ADAMTS17: variants seen among roughly 807,000 people sequenced by gnomAD.
ADAMTS17 encodes the protein A disintegrin and metalloproteinase with thrombospondin motifs 17.
ADAMTS17 carries 113 observed loss-of-function variants against 141.5 expected under a neutral mutation model. That is an observed-to-expected ratio of 0.80 (90% confidence interval 0.69 to 0.93). The LOEUF is 0.93. ADAMTS17 is among the 40% of genes least tolerant of loss of function. The pLI is 0.00. For synonymous variants in ADAMTS17, 768 were observed against 630.6 expected, an observed-to-expected ratio of 1.22 and a Z score of -3.27; for missense variants, 1,659 against 1,517.9, an observed-to-expected ratio of 1.09 and a Z score of -1.54.
intron 15 of ADAMTS17, among the ~76,000 whole-genome samples, chr15:100,077,230 G>T (rs914564170): frequency 2.8e-5 from 4 of 143,454 alleles, no homozygotes; most frequent in Non-Finnish European, 4.5e-5. Context: ...GAACACTTGA[G>T]GCCAGGAGTT....
rs117287867 is a variant in ADAMTS17, at chr15:99,987,777, G to A, written c.2949+5271C>T. On this transcript the variant is annotated intron_variant, in intron 20 of 21. Coordinates refer to ENST00000268070, the MANE Select transcript of ADAMTS17 (RefSeq NM_139057.4). ...TCCAGAGAAGGCAGAGAGGGAAAAC[G>A]GGCAAGTTTCTCTATCTGGGGAGAG... Among the ~76,000 whole-genome samples the A allele has an allele frequency of 8.4e-3, 1,275 of 152,234 alleles. 3 individuals carry two copies. Among genetic ancestry groups the A allele is most frequent in the Non-Finnish European group, 0.013 (883 of 68,006 alleles).
chr15:100,063,688 T>C (rs1477190872), intron 15 of ADAMTS17: 1 of 1,289,952 alleles, frequency 7.8e-7, no homozygotes, highest in Admixed American at 2.3e-5. Flanking sequence ...CCCAGAAAGC[T>C]GTGGGCAGGT....
At chr15:100,084,836 C>T (rs1488419200) in intron 15 of ADAMTS17, among the ~76,000 whole-genome samples, 1 of 152,176 alleles carries the variant, frequency 6.6e-6, no homozygotes, top group Non-Finnish European at 1.5e-5. Context: ...ACCAAAAACC[C>T]ATCTGTACAT....
chr15:100,173,169 C>T (rs2040220708), intron 8 of ADAMTS17, among the ~76,000 whole-genome samples: 1 of 152,184 alleles, frequency 6.6e-6, no homozygotes, highest in Admixed American at 6.5e-5. Context: ...CTCCATTTTT[C>T]TAAGATAGTT....
chr15:100,312,025 G>T (rs553142415), intron 3 of ADAMTS17, among the ~76,000 whole-genome samples: 1 of 152,324 alleles, frequency 6.6e-6, no homozygotes, highest in African/African-American at 2.4e-5. Context: ...CTGCAGGAGG[G>T]ATGGTCGTCC....
intron 15 of ADAMTS17, among the ~76,000 whole-genome samples, chr15:100,062,918 G>A (rs929989614): frequency 2.0e-5 from 3 of 152,162 alleles, no homozygotes; most frequent in African/African-American, 7.2e-5. Context: ...AGGAGCAGAG[G>A]CACCCTCTGG....
chr15:100,195,220 C>T (rs1253692127), intron 8 of ADAMTS17, among the ~76,000 whole-genome samples: 1 of 152,226 alleles, frequency 6.6e-6, no homozygotes, highest in Non-Finnish European at 1.5e-5. Context: ...AGGGTGGCCC[C>T]TCTGCAGCTT....
intron 6 of ADAMTS17, among the ~76,000 whole-genome samples, chr15:100,260,478 G>A (rs927206824): frequency 4.6e-5 from 7 of 152,076 alleles, no homozygotes; most frequent in African/African-American, 1.7e-4. Flanking sequence ...GCCAGGTGTG[G>A]TGGCACACGC....
intron 3 of ADAMTS17, among the ~76,000 whole-genome samples, chr15:100,292,061 C>CTAT: frequency 6.9e-6 from 1 of 144,794 alleles, no homozygotes; most frequent in East Asian, 2.2e-4. Flanking sequence ...TGGGGAGTCA[C>CTAT]GAGAGACGCT....
chr15:99,984,890 C>G (rs1266789112), intron 20 of ADAMTS17, among the ~76,000 whole-genome samples: 2 of 152,252 alleles, frequency 1.3e-5, no homozygotes, highest in Non-Finnish European at 2.9e-5. Flanking sequence ...TGATCTCTCA[C>G]TCCCTGCAAA....
intron 8 of ADAMTS17, among the ~76,000 whole-genome samples, chr15:100,175,659 T>C (rs548787544): frequency 1.3e-5 from 2 of 152,226 alleles, no homozygotes; most frequent in Non-Finnish European, 2.9e-5. Context: ...CTTTTGTCTC[T>C]TGGTTCTCAG....
chr15:100,231,926 T>C (rs558977121), intron 7 of ADAMTS17, among the ~76,000 whole-genome samples: 6 of 152,288 alleles, frequency 3.9e-5, no homozygotes, highest in East Asian at 3.9e-4. Flanking sequence ...AGCACAGACA[T>C]AGAATAAATC....
At chr15:99,975,133 T>A (rs1447704768) in intron 21 of ADAMTS17, among the ~76,000 whole-genome samples, 1 of 152,148 alleles carries the variant, frequency 6.6e-6, no homozygotes, top group East Asian at 1.9e-4. Flanking sequence ...TTTTGGTGAG[T>A]TTCCAGCCTC....
chr15:100,341,401 C>A lies in ADAMTS17; in HGVS notation c.88G>T (p.Asp30Tyr). The A allele has an allele frequency of 9.8e-7, 1 of 1,016,594 alleles. No individual in the cohort carries two copies. The highest frequency in any genetic ancestry group is 4.5e-5 in the South Asian group (1 of 22,282). 63.0% of individuals were successfully genotyped at this position (1,016,594 alleles called of 1,614,324 possible). A position where few individuals can be genotyped will look rare whatever the true frequency, so the allele number is the denominator to read the frequency against. Residue 30 changes from aspartate (D) to tyrosine (Y), a missense_variant, in exon 2 of 22, where the codon GAC (aspartate) becomes TAC (tyrosine). Transcript: ENST00000268070. Reference protein sequence around the residue: ...WGLDPGTAVGDAAADVEVVLP... With the variant: ...WGLDPGTAVGYAAADVEVVLP... ...ACCACCTCCACGTCGGCCGCCGCGTCGCCGACAGCTGCGGGGAGAGAGGAG... is the reference window on the plus strand; with the variant it reads ...ACCACCTCCACGTCGGCCGCCGCGTAGCCGACAGCTGCGGGGAGAGAGGAG...
chr15:100,040,642 C>A (rs1344005059), intron 18 of ADAMTS17, among the ~76,000 whole-genome samples: 1 of 151,390 alleles, frequency 6.6e-6, no homozygotes, highest in Non-Finnish European at 1.5e-5. Context: ...ATTCTCTCAT[C>A]CTCTGTAATG....
At chr15:100,062,263 A>G (rs1195937547) in intron 15 of ADAMTS17, among the ~76,000 whole-genome samples, 1 of 152,138 alleles carries the variant, frequency 6.6e-6, no homozygotes, top group Non-Finnish European at 1.5e-5. Context: ...CAGAAGCACG[A>G]GCGGCCGTCA....
chr15:99,974,588 C>A, intron 21 of ADAMTS17, 26 bp from the exon 22 acceptor site: 1 of 1,614,108 alleles, frequency 6.2e-7, no homozygotes, highest in East Asian at 2.2e-5. Flanking sequence ...AGAGAATACC[C>A]AGGGTCAGGG....
chr15:99,990,624 G>C (rs942559619), intron 20 of ADAMTS17, among the ~76,000 whole-genome samples: 4 of 144,650 alleles, frequency 2.8e-5, no homozygotes, highest in Admixed American at 6.7e-5. Context: ...TGGGAAATTT[G>C]GCTTTTTTTT....
At chr15:100,191,926 C>T (rs914655061) in intron 8 of ADAMTS17, among the ~76,000 whole-genome samples, 2 of 152,142 alleles carry the variant, frequency 1.3e-5, no homozygotes, top group Non-Finnish European at 2.9e-5. Flanking sequence ...AGGTGAAGAA[C>T]CCTGCAAGTC....
Sources: allele counts gnomAD v4.1 joint callset (sites outside exome capture counted in the v4.1 genomes callset), GRCh38; gene constraint gnomAD v4.1.1; transcripts MANE v1.5; gene names NCBI Gene and HGNC (gene_info 2026-07-23, HGNC 2026-07-21).